The following RIC3 variants were observed in gnomAD, a reference collection of about 807,000 sequenced individuals.
RIC3 encodes RIC3 acetylcholine receptor chaperone.
RIC3 carries 28 observed loss-of-function variants against 27.3 expected under a neutral mutation model. The observed-to-expected ratio is 1.02, with a 90% CI of 0.76 to 1.41. The LOEUF (loss-of-function observed/expected upper bound fraction) is 1.41. Among genes scored for constraint, RIC3 ranks in the 40% most tolerant of loss-of-function variants. The pLI, the probability that RIC3 is intolerant of heterozygous loss-of-function variation, is 0.00. For synonymous variants in RIC3, 184 were observed against 160.4 expected (o/e 1.15, Z -1.11); for missense variants, 501 against 444.7 (o/e 1.13, Z -1.14).
chr11:8,096,439 T>C, the RIC3 span, among the ~76,000 whole-genome samples: 1 of 152,156 alleles, frequency 6.6e-6, no homozygotes, highest in Admixed American at 6.5e-5. Flanking sequence ...TGGGGATATA[T>C]CCTGAGGATT....
chr11:8,142,447 A>G (rs1180988389), intron 1 of RIC3, among the ~76,000 whole-genome samples: 12 of 151,434 alleles, frequency 7.9e-5, no homozygotes, highest in Admixed American at 2.6e-4. Context: ...TAAATTCCTC[A>G]ACACATACAC....
the RIC3 span, among the ~76,000 whole-genome samples, chr11:8,096,283 C>A: frequency 6.6e-6 from 1 of 152,190 alleles, no homozygotes; most frequent in Non-Finnish European, 1.5e-5. Flanking sequence ...TGGTCTATGC[C>A]AGCCAAGGCC....
In RIC3 at chr11:8,151,394, T is replaced by C. The variant is rs544964896; in HGVS notation, c.125-11201A>G. Among the ~76,000 whole-genome samples, 6 of 151,358 alleles carry C rather than the reference T, an allele frequency of 4.0e-5. No homozygotes were observed. In the South Asian group the frequency reaches 1.3e-3, roughly 32 times the overall value. On this transcript the variant is annotated intron_variant, in intron 1 of 5. Coordinates refer to ENST00000309737, the MANE Select transcript of RIC3 (RefSeq NM_001206671.4). Reference sequence around the variant, plus strand: ...CGAGGTCAGGAGATCGAGACCATCCTGGCTAACACGGTGAAACCCCGTCTC... The same window carrying C: ...CGAGGTCAGGAGATCGAGACCATCCCGGCTAACACGGTGAAACCCCGTCTC...
rs536783874 is a variant in RIC3, at chr11:8,140,855, G to GA, written c.125-663dup. Among the ~76,000 whole-genome samples the GA allele has an allele frequency of 1.4e-4, 21 of 152,090 alleles. No individual in the cohort carries two copies. In the South Asian group the frequency reaches 4.2e-3, roughly 30 times the overall value. On this transcript the variant is annotated intron_variant, in intron 1 of 5. Transcript: ENST00000309737. ...CTCTCGGCAGAAACCCTACAAGCCA[G>GA]AAGAGAGTGGGGGCCAATATTCAAC...
intron 5 of RIC3, among the ~76,000 whole-genome samples, chr11:8,113,101 C>T (rs574379172): frequency 1.3e-5 from 2 of 152,266 alleles, no homozygotes; most frequent in Admixed American, 6.5e-5. Flanking sequence ...TAACTTACTG[C>T]GGATGGAATG....
chr11:8,153,586 G>C (rs1204804771), intron 1 of RIC3, among the ~76,000 whole-genome samples: 2 of 151,838 alleles, frequency 1.3e-5, no homozygotes, highest in Non-Finnish European at 2.9e-5. Context: ...TCTTTCACTG[G>C]TTCTTCTTTA....
intron 1 of RIC3, among the ~76,000 whole-genome samples, chr11:8,144,668 T>A (rs1949475607): frequency 6.6e-6 from 1 of 152,140 alleles, no homozygotes; most frequent in African/African-American, 2.4e-5. Context: ...GACCTAGCCA[T>A]CCCATTACTG....
intron 1 of RIC3, 98 bp downstream of exon 1, chr11:8,168,768 G>C (rs1294292800): frequency 6.8e-7 from 1 of 1,473,102 alleles, no homozygotes; most frequent in South Asian, 1.3e-5. Context: ...TGGATATTTC[G>C]GTGAAGGCTG....
rs142931929 is a variant in RIC3 at position 8,112,340 on chromosome 11, C to G, written c.671-1203G>C. ...AGTCTCGCTCTGTCGCCTGCCCAGGCTGGAGTGCAGTGGTGCAATCTCGGT... is the reference window on the plus strand; with the variant it reads ...AGTCTCGCTCTGTCGCCTGCCCAGGGTGGAGTGCAGTGGTGCAATCTCGGT... On this transcript the variant is annotated intron_variant, in intron 5 of 5. Coordinates refer to ENST00000309737, the MANE Select transcript of RIC3 (RefSeq NM_001206671.4). 1.0e-3 allele frequency among the ~76,000 whole-genome samples: 155 copies of G among 150,440 alleles called. 3 individuals are homozygous for G. The East Asian group carries it at 0.028, about 28-fold the overall frequency.
chr11:8,165,190 T>C (rs1951568872), intron 1 of RIC3, among the ~76,000 whole-genome samples: 1 of 152,234 alleles, frequency 6.6e-6, no homozygotes, highest in Non-Finnish European at 1.5e-5. Context: ...TCCAAATGTA[T>C]ACACTCAAGA....
At chr11:8,101,692 G>C (rs1449285124), downstream of RIC3, 16 of 1,572,608 alleles carry the variant, frequency 1.0e-5, 1 homozygote, top group East Asian at 3.2e-4. Flanking sequence ...AGACAGCCCT[G>C]CCTATCCTCT....
In RIC3 at chr11:8,138,327, A is replaced by T; in HGVS notation, c.372T>A (p.Thr124=). ...CAGTATAGCATTTCCCATCCTCTGC[A>T]GTTGTTTTCCCCTTTGAGAGCTGAG... ...ILFKLSKGKT[T]AEDGKCYTAM... The change falls in exon 3 of 6, where the codon ACT becomes ACA. Residue 124 remains threonine (T), a synonymous_variant. Coordinates refer to ENST00000309737, the MANE Select transcript of RIC3 (RefSeq NM_001206671.4). 6.2e-7 allele frequency: 1 copy of T among 1,613,472 alleles called. No individual in the cohort carries two copies. The highest frequency in any genetic ancestry group is 1.1e-5 in the South Asian group (1 of 91,050).
At chr11:8,094,882 T>C in the RIC3 span, among the ~76,000 whole-genome samples, 2 of 152,234 alleles carry the variant, frequency 1.3e-5, no homozygotes, top group African/African-American at 4.8e-5. Flanking sequence ...ACTCTGGGCA[T>C]AGCTCAGTAG....
At chr11:8,143,629 A>G (rs1333499583) in intron 1 of RIC3, among the ~76,000 whole-genome samples, 2 of 152,182 alleles carry the variant, frequency 1.3e-5, no homozygotes, top group Non-Finnish European at 2.9e-5. Flanking sequence ...ATTCAATGCC[A>G]TCCCCATAAA....
chr11:8,132,001 T>G (rs1476204095), intron 4 of RIC3, among the ~76,000 whole-genome samples: 1 of 150,734 alleles, frequency 6.6e-6, no homozygotes, highest in Non-Finnish European at 1.5e-5. Flanking sequence ...ATAGGCTAAG[T>G]CTAGCCTCAA....
chr11:8,118,021 G>C (rs1315242242), intron 5 of RIC3, among the ~76,000 whole-genome samples: 3 of 151,804 alleles, frequency 2.0e-5, no homozygotes, highest in Admixed American at 6.6e-5. Context: ...AGGAGATCAA[G>C]ACCATCCTGG....
At chr11:8,133,906 T>A (rs1007341461) in intron 4 of RIC3, among the ~76,000 whole-genome samples, 91 of 152,140 alleles carry the variant, frequency 6.0e-4, no homozygotes, top group African/African-American at 2.1e-3. Flanking sequence ...CTTCATGTTG[T>A]CTCTTACCCC....
chr11:8,147,531 T>C (rs941722816), intron 1 of RIC3, among the ~76,000 whole-genome samples: 1 of 152,160 alleles, frequency 6.6e-6, no homozygotes, highest in Admixed American at 6.5e-5. Context: ...GCAGGGCAAT[T>C]TCAAGATACG....
Position 8,138,262 on chromosome 11 carries a change from G to C in RIC3, c.427+10C>G. 6.3e-7 allele frequency: 1 copy of C among 1,590,388 alleles called. No homozygotes were observed. The highest frequency in any genetic ancestry group is 8.6e-7 in the Non-Finnish European group (1 of 1,158,534). On this transcript the variant is annotated intron_variant, in intron 3 of 5. Coordinates refer to ENST00000309737, the MANE Select transcript of RIC3 (RefSeq NM_001206671.4). The stretch of plus-strand genomic sequence containing the variant: ...TAATACCTGTGAATATACTGAGAAG[G>C]GGCACTTACTAATTTTCCTGTGGGT...
Sources: gnomAD v4.1 joint callset for allele counts (sites outside exome capture counted in the v4.1 genomes callset) on GRCh38, gnomAD v4.1.1 for gene constraint, MANE v1.5 for transcripts, NCBI Gene and HGNC (gene_info 2026-07-23, HGNC 2026-07-21) for gene names.